The following CLECL1 variants were observed in gnomAD, a reference collection of about 807,000 sequenced individuals.
The protein encoded by CLECL1 is C-type lectin-like domain family 1.
chr12:9,724,137 A>C (rs926246576), intron 3 of CLECL1, among the ~76,000 whole-genome samples: 1 of 151,098 alleles, frequency 6.6e-6, no homozygotes, highest in Non-Finnish European at 1.5e-5. Flanking sequence ...CAATGAGCCC[A>C]GATCATGTCA....
intron 1 of CLECL1, among the ~76,000 whole-genome samples, chr12:9,731,153 AAC>A (rs369089601): frequency 6.6e-6 from 1 of 152,220 alleles, no homozygotes; most frequent in Non-Finnish European, 1.5e-5. Context: ...TCTCAGTTCA[AAC>A]ACACACTCTC....
chr12:9,717,219 G>C (rs1016373156), intron 2 of CLECL1, among the ~76,000 whole-genome samples: 1 of 152,176 alleles, frequency 6.6e-6, no homozygotes, highest in East Asian at 1.9e-4. Flanking sequence ...GACCCTCCTG[G>C]CTAACACGGT....
At chr12:9,734,246 T>C (rs1866489423), upstream of CLECL1, among the ~76,000 whole-genome samples, 1 of 152,198 alleles carries the variant, frequency 6.6e-6, no homozygotes, top group Non-Finnish European at 1.5e-5. Context: ...GATCCTGGCT[T>C]TGTGGCATTT....
At chr12:9,727,317 T>G (rs1866391761) in intron 3 of CLECL1, among the ~76,000 whole-genome samples, 1 of 151,836 alleles carries the variant, frequency 6.6e-6, no homozygotes, top group Admixed American at 6.6e-5. Flanking sequence ...AAAATACAAT[T>G]ATTTCAATGA....
chr12:9,710,947 C>T (rs958878828), downstream of CLECL1, among the ~76,000 whole-genome samples: 1 of 152,206 alleles, frequency 6.6e-6, no homozygotes, highest in African/African-American at 2.4e-5. Context: ...TCTTCCAGTA[C>T]ACCAAGGCAA....
chr12:9,718,744 C>A (rs1170288102), downstream of CLECL1: 3 of 700,494 alleles, frequency 4.3e-6, no homozygotes, highest in African/African-American at 1.8e-5. Context: ...TGAAGAAATG[C>A]CATTTGAAGG....
downstream of CLECL1, among the ~76,000 whole-genome samples, chr12:9,713,666 C>A (rs777869527): frequency 6.6e-5 from 10 of 152,128 alleles, no homozygotes; most frequent in Non-Finnish European, 1.3e-4. Flanking sequence ...CTACTTATGT[C>A]TTTTTGTGCA....
intron 3 of CLECL1, among the ~76,000 whole-genome samples, chr12:9,724,716 T>C (rs1479550712): frequency 2.7e-5 from 4 of 149,624 alleles, no homozygotes; most frequent in African/African-American, 9.7e-5. Flanking sequence ...ACATATGACA[T>C]ATTTAGAATT....
exon 1 of CLECL1, chr12:9,732,980 C>G: frequency 1.2e-6 from 2 of 1,609,216 alleles, no homozygotes; most frequent in Non-Finnish European, 1.7e-6. Flanking sequence ...CGAGTTCTAA[C>G]GGGGAAGTCC....
chr12:9,723,811 C>A (rs1343314031), intron 3 of CLECL1, among the ~76,000 whole-genome samples: 1 of 152,036 alleles, frequency 6.6e-6, no homozygotes, highest in African/African-American at 2.4e-5. Flanking sequence ...ATGGTAAGAA[C>A]AAGACAACCG....
intron 1 of CLECL1, 59 bp downstream of exon 1, chr12:9,732,890 A>C: frequency 7.3e-7 from 1 of 1,377,644 alleles, no homozygotes; most frequent in South Asian, 1.4e-5. Context: ...CATAAGAAAG[A>C]AATAAAGGAG....
chr12:9,733,304 C>T (rs776756337), upstream of CLECL1: 9 of 1,371,088 alleles, frequency 6.6e-6, no homozygotes, highest in Non-Finnish European at 8.1e-6. Flanking sequence ...TCTGCCTAAA[C>T]TTGAAATGCT....
downstream of CLECL1, among the ~76,000 whole-genome samples, chr12:9,712,743 A>G (rs758135206): frequency 2.6e-5 from 4 of 152,270 alleles, no homozygotes; most frequent in Non-Finnish European, 4.4e-5. Context: ...GGCTTCCAAG[A>G]GTTTTAATCA....
At chr12:9,713,114 G>C (rs1866211108), downstream of CLECL1, among the ~76,000 whole-genome samples, 2 of 152,186 alleles carry the variant, frequency 1.3e-5, no homozygotes, top group African/African-American at 4.8e-5. Context: ...TGATTGATTT[G>C]AGCAAGCAGG....
At chr12:9,724,192 A>G (rs752212448) in intron 3 of CLECL1, among the ~76,000 whole-genome samples, 4 of 150,520 alleles carry the variant, frequency 2.7e-5, no homozygotes, top group South Asian at 2.1e-4. Flanking sequence ...ATGAAAAAAA[A>G]AAAAAGAAAA....
chr12:9,722,522 A>G (rs1353077768), downstream of CLECL1: 2 of 1,419,164 alleles, frequency 1.4e-6, no homozygotes, highest in African/African-American at 1.5e-5. Flanking sequence ...TTCAACTAAT[A>G]TTTGTATAGT....
the CLECL1 span, among the ~76,000 whole-genome samples, chr12:9,708,240 A>G: frequency 5.3e-5 from 8 of 152,288 alleles, no homozygotes; most frequent in South Asian, 6.2e-4. Context: ...CACTTGCACT[A>G]AGCAAGTGGT....
the CLECL1 span, among the ~76,000 whole-genome samples, chr12:9,708,081 G>A: frequency 2.0e-5 from 3 of 152,340 alleles, no homozygotes; most frequent in South Asian, 4.1e-4. Context: ...CAGCCACGAG[G>A]AGGGTGGGAG....
chr12:9,731,400 A>G (rs1405369376), intron 1 of CLECL1, among the ~76,000 whole-genome samples: 1 of 152,244 alleles, frequency 6.6e-6, no homozygotes, highest in African/African-American at 2.4e-5. Flanking sequence ...GCATTTTATG[A>G]GGCTCTGAAA....
Sources: gnomAD v4.1 joint callset for allele counts (sites outside exome capture counted in the v4.1 genomes callset) on GRCh38, gnomAD v4.1.1 for gene constraint, MANE v1.5 for transcripts, NCBI Gene and HGNC (gene_info 2026-07-23, HGNC 2026-07-21) for gene names.